Variants in MOK observed in about 807,000 individuals in gnomAD.
MOK encodes the protein MOK protein kinase, also known as MAPK/MAK/MRK overlapping kinase.
In MOK, 59 loss-of-function variants were observed where a neutral mutation model predicts 54.2. That is an observed-to-expected ratio of 1.09 (90% confidence interval 0.88 to 1.35). The LOEUF (loss-of-function observed/expected upper bound fraction) is 1.35, where lower values mean the gene tolerates loss of function less well. Ranked by LOEUF, MOK falls within the 40% of genes most tolerant of loss-of-function variation. MOK has a pLI of 0.00. For synonymous variants in MOK, 210 were observed against 202.7 expected (o/e 1.04, Z -0.31); for missense variants, 517 against 526.2 (o/e 0.98, Z 0.17).
intron 1 of MOK, among the ~76,000 whole-genome samples, chr14:102,299,045 A>G (rs193206761): frequency 6.6e-6 from 1 of 152,344 alleles, no homozygotes; most frequent in Admixed American, 6.5e-5. Flanking sequence ...TGCTTTTAAG[A>G]ACTGTAACAC....
At chr14:102,219,392 C>T in the MOK span, among the ~76,000 whole-genome samples, 1 of 152,210 alleles carries the variant, frequency 6.6e-6, no homozygotes, top group Non-Finnish European at 1.5e-5. Flanking sequence ...CCCTGCCACC[C>T]GGAGTGCTGT....
At position 102,251,923 on chromosome 14, in the gene MOK, A is replaced by C; in HGVS notation, c.356T>G (p.Ile119Ser). Residue 119 changes from isoleucine to serine, a missense_variant, in exon 5 of 12, where the codon ATT becomes AGT. Physicochemically the swap from Ile to Ser is moderately radical, Grantham distance 142 (BLOSUM62 -2). Transcript: ENST00000361847. ...MYQLCKSLDH[I>S]HRNGIFHRDV... ...CAAATCTCCGAGAGCATACCTGTGA[A>C]TATGATCCAGGGACTTACATAACTG... is the stretch of plus-strand genomic sequence containing the variant. 6.2e-7 allele frequency: 1 copy of C among 1,600,892 alleles called. No individual in the cohort carries two copies. Among genetic ancestry groups the C allele is most frequent in the Non-Finnish European group, 8.5e-7 (1 of 1,169,834 alleles).
At chr14:102,226,354 T>G (rs1481338338), downstream of MOK, 1 of 703,050 alleles carries the variant, frequency 1.4e-6, no homozygotes, top group Admixed American at 2.0e-5. The surrounding 1 kb of genome is among the most constrained non-coding windows in gnomAD (Gnocchi z 4.8). Context: ...GGGATGAACG[T>G]GTTTGAATGG....
At chr14:102,281,704 C>T (rs539421643) in intron 2 of MOK, among the ~76,000 whole-genome samples, 18 of 152,040 alleles carry the variant, frequency 1.2e-4, no homozygotes, top group South Asian at 1.0e-3. Flanking sequence ...CTCAGCCTCC[C>T]AAGTAGCTGG....
rs1268726283 is a variant in MOK at position 102,232,964 on chromosome 14, G to C, written c.693-256C>G. On this transcript the variant is annotated intron_variant, in intron 8 of 11. Coordinates refer to ENST00000361847, the MANE Select transcript of MOK (RefSeq NM_014226.3). The surrounding 1 kb of genome is among the most constrained non-coding windows in gnomAD (Gnocchi z 5.1). ...CGAGGCAGGTGCTGACGACAGGGGAGGCTGTGTGCACATGGGGACAGGGCT... is the reference window on the plus strand; with the variant it reads ...CGAGGCAGGTGCTGACGACAGGGGACGCTGTGTGCACATGGGGACAGGGCT... 2 of 310,508 alleles carry C rather than the reference G, an allele frequency of 6.4e-6. No homozygotes were observed. The highest frequency in any genetic ancestry group is 1.1e-4 in the East Asian group (2 of 17,864). The allele number at this position is 310,508 out of a possible 1,614,324, so 19.2% of individuals were successfully genotyped here.
intron 1 of MOK, among the ~76,000 whole-genome samples, chr14:102,286,298 C>CAAAAA (rs60479729): frequency 2.3e-4 from 6 of 25,592 alleles, no homozygotes; most frequent in African/African-American, 7.4e-4. Flanking sequence ...GACTCCGTCT[C>CAAAAA]AAAAAAAAAA....
intron 4 of MOK, among the ~76,000 whole-genome samples, chr14:102,262,269 C>T (rs1424311809): frequency 1.1e-4 from 16 of 152,142 alleles, no homozygotes. Context: ...CCTCAGCTTC[C>T]TGAGTAGGTG....
At chr14:102,246,718 C>T (rs180846207) in intron 7 of MOK, among the ~76,000 whole-genome samples, 407 of 151,878 alleles carry the variant, frequency 2.7e-3, no homozygotes, top group African/African-American at 9.6e-3. Context: ...CCAGGTGTTA[C>T]AACCTTACAT....
intron 2 of MOK, among the ~76,000 whole-genome samples, chr14:102,277,090 A>G (rs1182032519): frequency 6.8e-6 from 1 of 146,620 alleles, no homozygotes; most frequent in Non-Finnish European, 1.5e-5. Flanking sequence ...AGACCAGGCT[A>G]TATGTCATCC....
intron 2 of MOK, among the ~76,000 whole-genome samples, chr14:102,276,490 A>T (rs1047569503): frequency 6.6e-6 from 1 of 152,086 alleles, no homozygotes; most frequent in African/African-American, 2.4e-5. Context: ...TAAATAAATT[A>T]ATTAATTAAA....
chr14:102,253,895 AAAAATT>A (rs2066726089), intron 4 of MOK, among the ~76,000 whole-genome samples: 1 of 152,254 alleles, frequency 6.6e-6, no homozygotes, highest in African/African-American at 2.4e-5. Flanking sequence ...ATTTCTTTTG[AAAAATT>A]AAAATTATTC....
At position 102,285,097 on chromosome 14, in the gene MOK, A is replaced by AG. The variant is rs1420698913; in HGVS notation, c.8-1506_8-1505insC. Reference sequence around the variant, plus strand: ...GATGTCATCTCAAAAAAAAAAAAAAAAAAGAAAATGCAGGCTTGAGAACTA... The same window carrying AG: ...GATGTCATCTCAAAAAAAAAAAAAAAGAAAGAAAATGCAGGCTTGAGAACTA... On this transcript the variant is annotated intron_variant, in intron 1 of 11. Transcript: ENST00000361847. Among the ~76,000 whole-genome samples, 345 of 151,814 alleles carry AG rather than the reference A, an allele frequency of 2.3e-3. 1 individual carries two copies. Among genetic ancestry groups the AG allele is most frequent in the South Asian group, 4.8e-3 (23 of 4,820 alleles).
At chr14:102,250,177 G>C (rs2066411121) in intron 7 of MOK, among the ~76,000 whole-genome samples, 1 of 152,186 alleles carries the variant, frequency 6.6e-6, no homozygotes, top group Admixed American at 6.5e-5. Flanking sequence ...ACCAGACTTT[G>C]ACCCCTCAGA....
In MOK at chr14:102,232,448, G is replaced by T; in HGVS notation, c.866+87C>A. ...ATTCCCAAGAACCAGGGACCCTCCAGGGGGCAGTACCTTGCCCCACCATGT... is the reference window on the plus strand; with the variant it reads ...ATTCCCAAGAACCAGGGACCCTCCATGGGGCAGTACCTTGCCCCACCATGT... On this transcript the variant is annotated intron_variant, in intron 9 of 11. Coordinates refer to ENST00000361847, the MANE Select transcript of MOK (RefSeq NM_014226.3). The surrounding 1 kb of genome is among the most constrained non-coding windows in gnomAD (Gnocchi z 5.1). 2.1e-6 allele frequency: 3 copies of T among 1,438,130 alleles called. No homozygotes were observed. The South Asian group carries it at 4.2e-5, about 20-fold the overall frequency. 89.1% of individuals were successfully genotyped at this position (1,438,130 alleles called of 1,614,324 possible).
In MOK at chr14:102,232,742, T is replaced by C; in HGVS notation, c.693-34A>G. The C allele has an allele frequency of 1.3e-6, 2 of 1,586,910 alleles. No homozygotes were observed. Among genetic ancestry groups the C allele is most frequent in the Non-Finnish European group, 1.7e-6 (2 of 1,160,644 alleles). ...AAAACCCAATGATAATAAATGGTCATGCTGTCACTGAGCGCACCGGTGGTC... is the reference window on the plus strand; with the variant it reads ...AAAACCCAATGATAATAAATGGTCACGCTGTCACTGAGCGCACCGGTGGTC... On this transcript the variant is annotated intron_variant, in intron 8 of 11. Coordinates refer to ENST00000361847, the MANE Select transcript of MOK (RefSeq NM_014226.3). This position sits in a 1 kb window ranked among gnomAD's most constrained non-coding sequence, Gnocchi z 5.1.
intron 7 of MOK, among the ~76,000 whole-genome samples, chr14:102,237,241 A>G (rs2065303964): frequency 1.3e-5 from 2 of 152,120 alleles, no homozygotes; most frequent in African/African-American, 2.4e-5. Flanking sequence ...TACGTGGACA[A>G]TCTTCTCCTT....
intron 2 of MOK, among the ~76,000 whole-genome samples, chr14:102,271,269 G>T (rs569941557): frequency 2.6e-4 from 40 of 152,210 alleles, no homozygotes; most frequent in Non-Finnish European, 5.1e-4. Flanking sequence ...CATAGTTCTG[G>T]TTTTTTTCTT....
intron 1 of MOK, among the ~76,000 whole-genome samples, 188 bp downstream of exon 1, chr14:102,304,774 G>A (rs1378372674): frequency 2.0e-5 from 3 of 152,004 alleles, no homozygotes; most frequent in Non-Finnish European, 4.4e-5. Context: ...CTTCCCCCAG[G>A]GGCACCGGCT....
intron 1 of MOK, among the ~76,000 whole-genome samples, chr14:102,304,164 T>A (rs896558503): frequency 6.6e-6 from 1 of 152,244 alleles, no homozygotes; most frequent in Non-Finnish European, 1.5e-5. Context: ...TAGGATACAA[T>A]GCAAATTTAA....
Sources: allele counts gnomAD v4.1 joint callset (sites outside exome capture counted in the v4.1 genomes callset), GRCh38; gene constraint gnomAD v4.1.1; non-coding constraint Gnocchi (gnomAD v3.1); transcripts MANE v1.5; gene names NCBI Gene and HGNC (gene_info 2026-07-23, HGNC 2026-07-21).